IL16: variants seen among roughly 807,000 people sequenced by gnomAD.
IL16 encodes pro-interleukin-16.
A neutral mutation model predicts 110.1 loss-of-function variants in IL16; 67 were observed. The ratio of observed to expected loss-of-function variants is 0.61; its 90% CI spans 0.50 to 0.75. The LOEUF (loss-of-function observed/expected upper bound fraction) is 0.75, where lower values mean the gene tolerates loss of function less well. IL16 is among the 30% of genes least tolerant of loss of function. The pLI, the probability that IL16 is intolerant of heterozygous loss-of-function variation, is 0.00. For synonymous variants in IL16, 689 were observed against 662.9 expected, an observed-to-expected ratio of 1.04 and a Z score of -0.61; for missense variants, 1,545 against 1,655.0, an observed-to-expected ratio of 0.93 and a Z score of 1.15.
Position 81,196,881 on chromosome 15 carries a change from A to G in IL16, c.-373A>G, listed in dbSNP as rs1895612559. ...AGCAAATCCATGCCAGGTGGGACACATTTGTCCTGAGTCACCTGTCCAGAG... is the reference window on the plus strand; with the variant it reads ...AGCAAATCCATGCCAGGTGGGACACGTTTGTCCTGAGTCACCTGTCCAGAG... On this transcript the variant is annotated 5_prime_UTR_variant, in exon 1 of 19. Coordinates refer to ENST00000683961, the MANE Select transcript of IL16 (RefSeq NM_172217.5). The G allele has an allele frequency of 6.0e-6, 7 of 1,168,794 alleles. No individual in the cohort carries two copies. The highest frequency in any genetic ancestry group is 7.5e-6 in the Non-Finnish European group (7 of 932,552). The allele number at this position is 1,168,794 out of a possible 1,614,324, so 72.4% of individuals were successfully genotyped here. A position where few individuals can be genotyped will look rare whatever the true frequency, so the allele number is the denominator to read the frequency against.
chr15:81,218,961 G>T (rs1380221700), intron 1 of IL16, among the ~76,000 whole-genome samples: 2 of 150,536 alleles, frequency 1.3e-5, no homozygotes, highest in African/African-American at 4.9e-5. Flanking sequence ...CATACTACGT[G>T]CAAGGCAATA....
intron 13 of IL16, 108 bp from the exon 14 acceptor site, chr15:81,299,272 T>C (rs748046637): frequency 6.3e-5 from 100 of 1,588,374 alleles, no homozygotes; most frequent in Admixed American, 3.0e-4. Flanking sequence ...CTTCTGCTAA[T>C]CTCCTCCTCT....
rs1900839064 is a variant in IL16 at position 81,311,285 on chromosome 15, C to T, written c.*2487C>T. ...AGCCCTACTTCTTTGCTTTGCCCAG[C>T]ATTTTACTGATTCATACATTATCTC... On this transcript the variant is annotated 3_prime_UTR_variant, in exon 19 of 19. Transcript: ENST00000683961. 2 of 152,246 alleles carry T rather than the reference C, an allele frequency of 1.3e-5. No individual in the cohort carries two copies. Among genetic ancestry groups the T allele is most frequent in the South Asian group, 4.1e-4 (2 of 4,830 alleles). The allele number at this position is 152,246 out of a possible 1,614,324, so 9.4% of individuals were successfully genotyped here. A position where few individuals can be genotyped will look rare whatever the true frequency, so the allele number is the denominator to read the frequency against.
chr15:81,188,077 C>A (rs1313349126), intron 1 of IL16, among the ~76,000 whole-genome samples: 1 of 152,152 alleles, frequency 6.6e-6, no homozygotes, highest in Non-Finnish European at 1.5e-5. Flanking sequence ...CCCCCATGGA[C>A]CCTAAGGCCC....
chr15:81,208,071 T>C (rs1314850404), intron 1 of IL16, among the ~76,000 whole-genome samples: 6 of 152,234 alleles, frequency 3.9e-5, no homozygotes, highest in African/African-American at 9.6e-5. Flanking sequence ...ACTGTCATTC[T>C]GACTGGTGTG....
At position 81,306,521 on chromosome 15, in the gene IL16, C is replaced by T; in HGVS notation, c.3781C>T (p.Leu1261Phe). Residue 1261 changes from leucine (L) to phenylalanine (F), a missense_variant, in exon 18 of 19, where the codon CTC becomes TTC. Coordinates refer to ENST00000683961, the MANE Select transcript of IL16 (RefSeq NM_172217.5). Reference sequence around the variant, plus strand: ...GGGCTCCCTACACGGAGACAAGCCTCTCACCATTAACAGGATTTTCAAAGG... The same window carrying T: ...GGGCTCCCTACACGGAGACAAGCCTTTCACCATTAACAGGATTTTCAAAGG... ...GKGSLHGDKP[L>F]TINRIFKGAA... 1 of 1,613,646 alleles carries T rather than the reference C, an allele frequency of 6.2e-7. No individual in the cohort carries two copies.
intron 3 of IL16, among the ~76,000 whole-genome samples, chr15:81,264,647 A>T (rs1596008377): frequency 6.6e-6 from 1 of 152,146 alleles, no homozygotes; most frequent in South Asian, 2.1e-4. Context: ...TACTAGGCAA[A>T]CCCTGCCCCT....
At chr15:81,304,566 C>T (rs1480195303) in intron 16 of IL16, among the ~76,000 whole-genome samples, 1 of 152,190 alleles carries the variant, frequency 6.6e-6, no homozygotes, top group Non-Finnish European at 1.5e-5. Context: ...ACGTAGAGCA[C>T]CATCCACGGC....
intron 2 of IL16, among the ~76,000 whole-genome samples, chr15:81,242,200 CAGTCG>C (rs1037252746): frequency 5.9e-5 from 9 of 152,166 alleles, no homozygotes; most frequent in East Asian, 3.9e-4. Context: ...TCTTCTATTT[CAGTCG>C]TTTTAGCTAA....
intron 2 of IL16, among the ~76,000 whole-genome samples, chr15:81,238,643 T>C (rs1189266214): frequency 6.6e-6 from 1 of 152,114 alleles, no homozygotes; most frequent in East Asian, 1.9e-4. Flanking sequence ...GCCCCAACCA[T>C]AAAATATAAG....
chr15:81,246,349 AC>A (rs558867021), intron 2 of IL16, among the ~76,000 whole-genome samples: 3 of 151,320 alleles, frequency 2.0e-5, no homozygotes, highest in Non-Finnish European at 4.4e-5. Flanking sequence ...CCCACCCCTA[AC>A]CCCTGGCAAC....
In IL16 at chr15:81,265,684, A is replaced by T. The variant is rs1898344360; in HGVS notation, c.447A>T (p.Glu149Asp). 6.2e-7 allele frequency: 1 copy of T among 1,613,882 alleles called. No individual in the cohort carries two copies. Among genetic ancestry groups the T allele is most frequent in the African/African-American group, 1.3e-5 (1 of 74,922 alleles). Residue 149 changes from glutamate (E) to aspartate (D), a missense_variant, in exon 4 of 19, where the codon GAA becomes GAT. Physicochemically the swap from Glu to Asp is conservative, Grantham distance 45. Transcript: ENST00000683961. ...STSVNPYCTR[E>D]IDFPMTKKSA... ...GTGTTAATCCCTATTGCACAAGAGA[A>T]ATTGATTTTCCAATGACCAAGAAAT... is the stretch of plus-strand genomic sequence containing the variant.
intron 1 of IL16, among the ~76,000 whole-genome samples, chr15:81,209,546 A>T (rs577494695): frequency 2.0e-5 from 3 of 152,114 alleles, no homozygotes; most frequent in East Asian, 1.9e-4. Flanking sequence ...TTTTTTAAGG[A>T]GCACAGGTGA....
At position 81,282,672 on chromosome 15, in the gene IL16, G is replaced by A. The variant is rs1899235584; in HGVS notation, c.1115G>A (p.Ser372Asn). Residue 372 changes from serine (S) to asparagine (N), a missense_variant, in exon 9 of 19, where the codon AGC (serine) becomes AAC (asparagine). This residue lies in a region of IL16 where 1,185 missense variants were observed against 1,238.8 expected (regional missense o/e 0.96). Transcript: ENST00000683961. Reference sequence around the variant, plus strand: ...GTGGGCCTGGGCATCGGCCTGTGCAGCGTTCCCTACTTCCAATGCATCTCT... The same window carrying A: ...GTGGGCCTGGGCATCGGCCTGTGCAACGTTCCCTACTTCCAATGCATCTCT... Reference protein sequence around the residue: ...AGVGLGIGLCSVPYFQCISGI... With the variant: ...AGVGLGIGLCNVPYFQCISGI... 2 of 1,613,888 alleles carry A rather than the reference G, an allele frequency of 1.2e-6. No homozygotes were observed. The highest frequency in any genetic ancestry group is 1.7e-6 in the Non-Finnish European group (2 of 1,180,042).
At chr15:81,243,322 T>C (rs1897416816) in intron 2 of IL16, among the ~76,000 whole-genome samples, 1 of 150,406 alleles carries the variant, frequency 6.6e-6, no homozygotes, top group South Asian at 2.1e-4. Flanking sequence ...ACCATAGGCA[T>C]GTGCCACCAT....
chr15:81,202,276 G>A (rs1239712403), intron 1 of IL16, among the ~76,000 whole-genome samples: 2 of 152,190 alleles, frequency 1.3e-5, no homozygotes, highest in Non-Finnish European at 2.9e-5. Flanking sequence ...ACAAGCCACT[G>A]GAGTAGCATC....
chr15:81,187,725 A>G (rs1284969384), intron 1 of IL16, among the ~76,000 whole-genome samples: 1 of 152,230 alleles, frequency 6.6e-6, no homozygotes, highest in Non-Finnish European at 1.5e-5. Flanking sequence ...AAAGTATGGC[A>G]CCTGCTTTGT....
upstream of IL16, among the ~76,000 whole-genome samples, chr15:81,195,250 G>T (rs545202354): frequency 6.6e-6 from 1 of 152,308 alleles, no homozygotes; most frequent in South Asian, 2.1e-4. Flanking sequence ...GAGGGGGGCT[G>T]TGGGGCCCTC....
chr15:81,204,255 A>T (rs1344292388), intron 1 of IL16, among the ~76,000 whole-genome samples: 1 of 151,972 alleles, frequency 6.6e-6, no homozygotes, highest in Non-Finnish European at 1.5e-5. Context: ...ATATACAATC[A>T]TGTCATCTGC....
Sources: allele counts gnomAD v4.1 joint callset (sites outside exome capture counted in the v4.1 genomes callset), GRCh38; gene constraint gnomAD v4.1.1; regional missense constraint gnomAD v4.1.1; transcripts MANE v1.5; gene names NCBI Gene and HGNC (gene_info 2026-07-23, HGNC 2026-07-21).